The following GOLM2 variants were observed in gnomAD, a reference collection of about 807,000 sequenced individuals.
GOLM2 encodes protein GOLM2.
GOLM2 carries 26 observed loss-of-function variants against 55.9 expected under a neutral mutation model. The observed-to-expected ratio is 0.47, with a 90% CI of 0.34 to 0.65. The LOEUF (loss-of-function observed/expected upper bound fraction) is 0.65. Among genes scored for constraint, GOLM2 ranks in the 30% least tolerant of loss-of-function variants. GOLM2 has a pLI of 0.01. For synonymous variants in GOLM2, 165 were observed against 194.6 expected (o/e 0.85, Z 1.27); for missense variants, 486 against 531.8 (o/e 0.91, Z 0.85).
intron 1 of GOLM2, among the ~76,000 whole-genome samples, chr15:44,319,220 T>C (rs1197360698): frequency 6.6e-6 from 1 of 152,146 alleles, no homozygotes; most frequent in Non-Finnish European, 1.5e-5. Context: ...CAGTTTCCAT[T>C]TTTCTTTTTT....
intron 1 of GOLM2, among the ~76,000 whole-genome samples, chr15:44,313,413 C>T (rs1015414333): frequency 6.6e-6 from 1 of 152,166 alleles, no homozygotes; most frequent in Admixed American, 6.5e-5. Context: ...TCTTATCTCT[C>T]AGTTTACTTC....
At chr15:44,385,378 TC>T (rs988452072) in intron 8 of GOLM2, among the ~76,000 whole-genome samples, 1 of 125,602 alleles carries the variant, frequency 8.0e-6, no homozygotes, top group Non-Finnish European at 1.7e-5. Flanking sequence ...CTTCCTTCCT[TC>T]CCCCCGCCAC....
rs139760255 is a variant in GOLM2, at chr15:44,339,331, T to C, written c.802+1014T>C. On this transcript the variant is annotated intron_variant, in intron 6 of 9. Transcript: ENST00000299957. ...GACAATGAAGTAATCCAGTGATTTT[T>C]TAAAATTAATTAATTAATTAATTTT... Among the ~76,000 whole-genome samples the C allele has an allele frequency of 2.6e-5, 4 of 152,300 alleles. 1 individual carries two copies. In the East Asian group the frequency reaches 7.7e-4, roughly 29 times the overall value.
intron 4 of GOLM2, among the ~76,000 whole-genome samples, chr15:44,335,164 G>A (rs1422374760): frequency 6.6e-6 from 1 of 152,182 alleles, no homozygotes; most frequent in Non-Finnish European, 1.5e-5. Context: ...ATAATATACT[G>A]ATTTTCTTTT....
intron 8 of GOLM2, among the ~76,000 whole-genome samples, chr15:44,393,126 A>T (rs1045375781): frequency 2.6e-5 from 4 of 152,240 alleles, no homozygotes; most frequent in Non-Finnish European, 5.9e-5. Flanking sequence ...ATGATTTTAT[A>T]TGTAGAAAAC....
intron 1 of GOLM2, among the ~76,000 whole-genome samples, chr15:44,320,360 G>A (rs958201027): frequency 1.3e-5 from 2 of 152,044 alleles, no homozygotes; most frequent in African/African-American, 4.8e-5. Context: ...GTACACTGGT[G>A]CAATCCTAGC....
intron 8 of GOLM2, among the ~76,000 whole-genome samples, chr15:44,384,761 T>C (rs1342225502): frequency 6.8e-6 from 1 of 147,646 alleles, no homozygotes; most frequent in Non-Finnish European, 1.5e-5. Flanking sequence ...AAAAAAAAAT[T>C]AGCTGGGCGT....
chr15:44,391,308 A>G (rs1466784075), intron 8 of GOLM2, among the ~76,000 whole-genome samples: 1 of 152,028 alleles, frequency 6.6e-6, no homozygotes. Flanking sequence ...AGGTCGGGAG[A>G]TCGAGACCAT....
At chr15:44,397,521 C>T (rs866319976) in intron 8 of GOLM2, among the ~76,000 whole-genome samples, 1 of 141,476 alleles carries the variant, frequency 7.1e-6, no homozygotes, top group South Asian at 2.2e-4. Context: ...CACACACACA[C>T]ACACACACAC....
At chr15:44,409,802 G>A (rs1447750202) in intron 9 of GOLM2, 1 of 150,232 alleles carries the variant, frequency 6.7e-6, no homozygotes, top group African/African-American at 2.5e-5. Context: ...TGTAATCCCA[G>A]CTACTCAAGA....
At chr15:44,411,182 T>C (rs2079636440) in intron 9 of GOLM2, among the ~76,000 whole-genome samples, 1 of 151,774 alleles carries the variant, frequency 6.6e-6, no homozygotes, top group African/African-American at 2.4e-5. Flanking sequence ...CAACCATGCC[T>C]GGCTAAATTT....
At chr15:44,355,490 C>T (rs2079191913) in intron 6 of GOLM2, 2 of 164,710 alleles carry the variant, frequency 1.2e-5, no homozygotes, top group Admixed American at 6.4e-5. Context: ...ATCGGAAGGC[C>T]CTTCGAGGGC....
chr15:44,410,645 C>T (rs2079631795), intron 9 of GOLM2, among the ~76,000 whole-genome samples: 1 of 151,010 alleles, frequency 6.6e-6, no homozygotes, highest in African/African-American at 2.4e-5. Context: ...GCTGTAATTC[C>T]AGCACTTCGG....
chr15:44,359,327 C>T (rs546639038), intron 6 of GOLM2, among the ~76,000 whole-genome samples: 122 of 152,050 alleles, frequency 8.0e-4, no homozygotes, highest in Non-Finnish European at 1.6e-3. Context: ...GTGGCTCATG[C>T]CTGTAATCCC....
intron 6 of GOLM2, among the ~76,000 whole-genome samples, chr15:44,362,641 C>T (rs1402399843): frequency 6.6e-6 from 1 of 152,188 alleles, no homozygotes; most frequent in East Asian, 1.9e-4. Flanking sequence ...AGATTCAATG[C>T]CATCCCCATC....
chr15:44,371,541 T>C (rs1485613477), intron 6 of GOLM2, among the ~76,000 whole-genome samples: 2 of 152,228 alleles, frequency 1.3e-5, no homozygotes, highest in African/African-American at 2.4e-5. Flanking sequence ...TTTGAGCAAA[T>C]TTCAAGTGTG....
At chr15:44,365,619 C>T (rs571953345) in intron 6 of GOLM2, among the ~76,000 whole-genome samples, 12 of 151,930 alleles carry the variant, frequency 7.9e-5, no homozygotes, top group African/African-American at 2.9e-4. Context: ...ATAGATATTC[C>T]GGAATAGGAA....
chr15:44,362,730 G>C (rs1239342257), intron 6 of GOLM2, among the ~76,000 whole-genome samples: 3 of 152,076 alleles, frequency 2.0e-5, no homozygotes, highest in Non-Finnish European at 4.4e-5. Context: ...AGCCCGCATC[G>C]CCAAGTCAAT....
Position 44,413,334 on chromosome 15 carries a change from A to C in GOLM2, c.1241-2A>C. On this transcript the variant is annotated splice_acceptor_variant, in intron 9 of 9. Transcript: ENST00000299957. LOFTEE classifies it high-confidence loss of function. ...GTTGATACAAAATTATTTTACTTAC[A>C]GATGATGAAGAACGAGAGCTTCAAA... 6.2e-7 allele frequency: 1 copy of C among 1,603,986 alleles called. No individual in the cohort carries two copies. The highest frequency in any genetic ancestry group is 8.5e-7 in the Non-Finnish European group (1 of 1,173,654).
Sources: gnomAD v4.1 joint callset for allele counts (sites outside exome capture counted in the v4.1 genomes callset) on GRCh38, gnomAD v4.1.1 for gene constraint, MANE v1.5 for transcripts, NCBI Gene and HGNC (gene_info 2026-07-23, HGNC 2026-07-21) for gene names.